The following TMEM106C variants were observed in gnomAD, a reference collection of about 807,000 sequenced individuals.
TMEM106C encodes transmembrane protein 106C.
A neutral mutation model predicts 30.8 loss-of-function variants in TMEM106C; 27 were observed. The ratio of observed to expected loss-of-function variants is 0.88; its 90% CI spans 0.65 to 1.21. TMEM106C has a LOEUF of 1.21. Among genes scored for constraint, TMEM106C ranks in the 50% most tolerant of loss-of-function variants. TMEM106C has a pLI of 0.00. For missense variants in TMEM106C, 288 were observed against 307.8 expected (o/e 0.94, Z 0.48); for synonymous variants, 123 against 118.8 (o/e 1.04, Z -0.23).
chr12:47,967,055 A>T, intron 6 of TMEM106C, 153 bp from the exon 7 acceptor site: 1 of 776,532 alleles, frequency 1.3e-6, no homozygotes, highest in South Asian at 1.6e-5. Context: ...GATGAAAATG[A>T]CAGTGGCAGG....
In TMEM106C at chr12:47,967,265, C is replaced by A. The variant is rs375754761; in HGVS notation, c.656+4C>A. ...ACAACATAGTGATCTTCATGCGGTG[C>A]GTCTCTCTTCCCTATCCCGATGGCC... is the stretch of plus-strand genomic sequence containing the variant. On this transcript the variant is annotated splice_donor_region_variant and intron_variant, in intron 7 of 7. Coordinates refer to ENST00000429772, the MANE Select transcript of TMEM106C (RefSeq NM_001143842.2). 1 of 1,614,114 alleles carries A rather than the reference C, an allele frequency of 6.2e-7. No individual in the cohort carries two copies. The highest frequency in any genetic ancestry group is 8.5e-7 in the Non-Finnish European group (1 of 1,179,978).
intron 3 of TMEM106C, chr12:47,965,561 T>C: frequency 1.5e-6 from 1 of 646,410 alleles, no homozygotes; most frequent in Non-Finnish European, 2.7e-6. Context: ...AGGAATGGAA[T>C]CAGAAGAAAC....
chr12:47,966,148 C>T lies in TMEM106C; in HGVS notation c.471C>T (p.Ser157=), dbSNP rs147520648. 1.2e-6 allele frequency: 2 copies of T among 1,614,224 alleles called. No individual in the cohort carries two copies. The highest frequency in any genetic ancestry group is 1.7e-6 in the Non-Finnish European group (2 of 1,180,036). ...FYTVAVTSLS[S]QIQYMNTVVS... ...CGGTGGCAGTGACCAGCCTGTCCAG[C>T]CAGATTCAGTACATGAACACAGTGG... The change falls in exon 5 of 8, where the codon AGC becomes AGT. Residue 157 remains serine, a synonymous_variant. Coordinates refer to ENST00000429772, the MANE Select transcript of TMEM106C (RefSeq NM_001143842.2).
chr12:47,966,494 C>T (rs1438535535), intron 5 of TMEM106C, 189 bp from the exon 6 acceptor site: 3 of 702,908 alleles, frequency 4.3e-6, no homozygotes, highest in African/African-American at 3.6e-5. Flanking sequence ...GCCTGAGGTC[C>T]ATTGGCCTCT....
chr12:47,967,310 A>G (rs1938270556), intron 7 of TMEM106C, 49 bp downstream of exon 7: 1 of 1,605,626 alleles, frequency 6.2e-7, no homozygotes, highest in Non-Finnish European at 8.5e-7. Context: ...ATGTGAGCCT[A>G]CCACCTTTGC....
rs186580487 is a variant in TMEM106C, at chr12:47,968,458, T to C, written c.*229T>C. 24 of 610,730 alleles carry C rather than the reference T, an allele frequency of 3.9e-5. No individual in the cohort carries two copies. The East Asian group carries it at 6.8e-4, about 17-fold the overall frequency. The allele number at this position is 610,730 out of a possible 1,614,324, so 37.8% of individuals were successfully genotyped here. ...TGCCTAGCCTGTGCCCAGCAAATAG[T>C]TGGCACTCAATAAAGATTTGCAGAA... On this transcript the variant is annotated 3_prime_UTR_variant, in exon 8 of 8. Transcript: ENST00000429772.
chr12:47,966,515 G>T, intron 5 of TMEM106C, 168 bp from the exon 6 acceptor site: 1 of 752,192 alleles, frequency 1.3e-6, no homozygotes, highest in Non-Finnish European at 2.2e-6. Context: ...CAAAAGGGAA[G>T]AGGTTGGCAG....
At chr12:47,964,648 C>G (rs1938160502) in intron 2 of TMEM106C, 1 of 555,756 alleles carries the variant, frequency 1.8e-6, no homozygotes, top group African/African-American at 1.9e-5. Flanking sequence ...TTGTTCTTTT[C>G]CTGAGGTTTG....
chr12:47,964,413 C>T lies in TMEM106C; in HGVS notation c.177C>T (p.Tyr59=). 1 of 1,614,034 alleles carries T rather than the reference C, an allele frequency of 6.2e-7. No individual in the cohort carries two copies. Among genetic ancestry groups the T allele is most frequent in the Non-Finnish European group, 8.5e-7 (1 of 1,179,974 alleles). Residue 59 remains tyrosine, a synonymous_variant, in exon 2 of 8, where the codon TAC becomes TAT. Coordinates refer to ENST00000429772, the MANE Select transcript of TMEM106C (RefSeq NM_001143842.2). ...ITCLTCQGTG[Y]IPTEQVNELV... The stretch of plus-strand genomic sequence containing the variant: ...GTCTCACGTGCCAGGGGACAGGCTA[C>T]ATTCCAACAGGTGATCATGGAGGGA...
chr12:47,965,273 C>G lies in TMEM106C; in HGVS notation c.188-9C>G, dbSNP rs377633640. ...GGATTTACAAAATAATTGTTTGGCTCTTTTCTAGAGCAAGTAAATGAGTTG... is the reference window on the plus strand; with the variant it reads ...GGATTTACAAAATAATTGTTTGGCTGTTTTCTAGAGCAAGTAAATGAGTTG... On this transcript the variant is annotated splice_polypyrimidine_tract_variant and intron_variant, in intron 2 of 7. Coordinates refer to ENST00000429772, the MANE Select transcript of TMEM106C (RefSeq NM_001143842.2). 2 of 1,613,034 alleles carry G rather than the reference C, an allele frequency of 1.2e-6. No homozygotes were observed. Among genetic ancestry groups the G allele is most frequent in the Non-Finnish European group, 1.7e-6 (2 of 1,179,402 alleles).
chr12:47,966,763 T>C lies in TMEM106C; in HGVS notation c.602+31T>C, dbSNP rs536184775. 13 of 1,612,700 alleles carry C rather than the reference T, an allele frequency of 8.1e-6. No homozygotes were observed. In the African/African-American group the frequency reaches 9.3e-5, roughly 12 times the overall value. ...GACACTGTTCTCTCTGTGTGTGCTC[T>C]CTACTGGAGGAAAGGGATTCAAAGT... On this transcript the variant is annotated intron_variant, in intron 6 of 7. Transcript: ENST00000429772.
In TMEM106C at chr12:47,964,324, G is replaced by A; in HGVS notation, c.88G>A (p.Glu30Lys). 1 of 1,614,196 alleles carries A rather than the reference G, an allele frequency of 6.2e-7. No individual in the cohort carries two copies. Among genetic ancestry groups the A allele is most frequent in the Non-Finnish European group, 8.5e-7 (1 of 1,180,034 alleles). ...DDRDGLLAER[E>K]QEEAIAQFPY... is the part of the protein sequence containing the mutation. ...CAGGGACGGTTTGCTGGCTGAACGA[G>A]AGCAGGAAGAAGCCATTGCTCAGTT... Residue 30 changes from glutamate (E) to lysine (K), a missense_variant, in exon 2 of 8, where the codon GAG (glutamate) becomes AAG (lysine). Physicochemically the swap from Glu to Lys is moderately conservative, Grantham distance 56. Transcript: ENST00000429772.
chr12:47,968,193 C>G lies in TMEM106C; in HGVS notation c.717C>G (p.His239Gln), dbSNP rs1938309200. Reference protein sequence around the residue: ...LMTQSSLETHHYVDCGGNSTA... With the variant: ...LMTQSSLETHQYVDCGGNSTA... ...CCCAGAGCTCCTTGGAGACACATCACTATGTGGATTGTGGAGGAAATTCCA... is the reference window on the plus strand; with the variant it reads ...CCCAGAGCTCCTTGGAGACACATCAGTATGTGGATTGTGGAGGAAATTCCA... Residue 239 changes from histidine to glutamine, a missense_variant, in exon 8 of 8, where the codon CAC (histidine) becomes CAG (glutamine). His to Gln is a conservative substitution (Grantham distance 24). Coordinates refer to ENST00000429772, the MANE Select transcript of TMEM106C (RefSeq NM_001143842.2). The G allele has an allele frequency of 1.2e-6, 2 of 1,613,906 alleles. No individual in the cohort carries two copies. The highest frequency in any genetic ancestry group is 8.5e-7 in the Non-Finnish European group (1 of 1,179,912).
rs142283364 is a variant in TMEM106C at position 47,966,695 on chromosome 12, G to T, written c.565G>T (p.Gly189Trp). 1.7e-4 allele frequency: 276 copies of T among 1,614,016 alleles called. No individual in the cohort carries two copies. Among genetic ancestry groups the T allele is most frequent in the Non-Finnish European group, 2.2e-4 (262 of 1,180,026 alleles). ...PRSEQLVNFT[G>W]KAEMGGPFSY... is the part of the protein sequence containing the mutation. ...ATCTTATTTTCAGGTGAATTTTACC[G>T]GGAAGGCCGAGATGGGAGGACCGTT... Residue 189 changes from glycine (G) to tryptophan (W), a missense_variant, in exon 6 of 8, where the codon GGG (glycine) becomes TGG (tryptophan). Physicochemically the swap from Gly to Trp is radical, Grantham distance 184. Transcript: ENST00000429772.
chr12:47,963,666 G>A lies in TMEM106C; in HGVS notation c.-67G>A, dbSNP rs1167672097. 1.3e-5 allele frequency: 2 copies of A among 153,376 alleles called. No homozygotes were observed. The highest frequency in any genetic ancestry group is 2.9e-5 in the Non-Finnish European group (2 of 68,856). 9.5% of individuals were successfully genotyped at this position (153,376 alleles called of 1,614,324 possible). ...CTCAAGCTGGCAGGTGGTCGGGGGA[G>A]CGGCCGGAGAGGAGCTGCCGGGAGT... On this transcript the variant is annotated 5_prime_UTR_variant, in exon 1 of 8. Coordinates refer to ENST00000429772, the MANE Select transcript of TMEM106C (RefSeq NM_001143842.2).
At position 47,964,394 on chromosome 12, in the gene TMEM106C, C is replaced by A. The variant is rs773268156; in HGVS notation, c.158C>A (p.Thr53Lys). 6.2e-7 allele frequency: 1 copy of A among 1,614,166 alleles called. No homozygotes were observed. Among genetic ancestry groups the A allele is most frequent in the South Asian group, 1.1e-5 (1 of 91,070 alleles). Reference protein sequence around the residue: ...FTGRDSITCLTCQGTGYIPTE... With the variant: ...FTGRDSITCLKCQGTGYIPTE... ...GGGAGAGATAGCATCACCTGTCTCACGTGCCAGGGGACAGGCTACATTCCA... is the reference window on the plus strand; with the variant it reads ...GGGAGAGATAGCATCACCTGTCTCAAGTGCCAGGGGACAGGCTACATTCCA... The change falls in exon 2 of 8, where the codon ACG becomes AAG. Residue 53 changes from threonine (T) to lysine (K), a missense_variant. Physicochemically the swap from Thr to Lys is moderately conservative, Grantham distance 78 (BLOSUM62 -1). Transcript: ENST00000429772.
In TMEM106C at chr12:47,966,088, G is replaced by A. The variant is rs1938212697; in HGVS notation, c.412-1G>A. 1 of 1,614,174 alleles carries A rather than the reference G, an allele frequency of 6.2e-7. No individual in the cohort carries two copies. Reference sequence around the variant, plus strand: ...TTGTTTCCTGACTTGCCCTGATGTAGGCCACCCTGAAAATCAGGAACTCCA... The same window carrying A: ...TTGTTTCCTGACTTGCCCTGATGTAAGCCACCCTGAAAATCAGGAACTCCA... On this transcript the variant is annotated splice_acceptor_variant, in intron 4 of 7. Coordinates refer to ENST00000429772, the MANE Select transcript of TMEM106C (RefSeq NM_001143842.2). LOFTEE classifies it high-confidence loss of function.
At chr12:47,964,499 T>G in intron 2 of TMEM106C, 76 bp downstream of exon 2, 1 of 1,427,254 alleles carries the variant, frequency 7.0e-7, no homozygotes, top group Non-Finnish European at 9.7e-7. Context: ...CAGACAACTT[T>G]TCTTCTAGGC....
chr12:47,964,663 A>AT (rs1938160741), intron 2 of TMEM106C: 1 of 531,830 alleles, frequency 1.9e-6, no homozygotes, highest in African/African-American at 1.9e-5. Context: ...GGTTTGGAAC[A>AT]TTCAGTTCGC....
Sources: gnomAD v4.1 joint callset for allele counts on GRCh38, gnomAD v4.1.1 for gene constraint, MANE v1.5 for transcripts, NCBI Gene and HGNC (gene_info 2026-07-23, HGNC 2026-07-21) for gene names.